Variants in ZFHX3 observed in about 807,000 individuals in gnomAD.
ZFHX3 encodes the protein zinc finger homeobox protein 3.
Under a neutral mutation model 279.1 loss-of-function variants are expected in ZFHX3, and 42 were observed. That is an observed-to-expected ratio of 0.15 (90% CI 0.12 to 0.19). The LOEUF (loss-of-function observed/expected upper bound fraction) is 0.19. ZFHX3 is among the 10% of genes least tolerant of loss of function. The pLI is 1.00. For synonymous variants in ZFHX3, 2,293 were observed against 1,957.8 expected (o/e 1.17, Z -4.52); for missense variants, 4,981 against 4,754.0 (o/e 1.05, Z -1.40).
At chr16:73,701,584 A>C (rs567958229) in intron 1 of ZFHX3, among the ~76,000 whole-genome samples, 5 of 152,310 alleles carry the variant, frequency 3.3e-5, no homozygotes, top group African/African-American at 1.2e-4. Flanking sequence ...TATCTCACTA[A>C]AGTTCCTCTT....
chr16:72,959,750 C>T lies in ZFHX3; in HGVS notation c.396G>A (p.Glu132=), dbSNP rs372291068. Residue 132 remains glutamate (E), a synonymous_variant, in exon 2 of 10, where the codon GAG becomes GAA. Transcript: ENST00000268489. ...EESDVENLAG[E]IVYQPDGSAY... ...CGGAGCCGTCCGGCTGGTAGACGAT[C>T]TCCCCGGCCAGGTTCTCCACGTCAC... 133 of 1,611,032 alleles carry T rather than the reference C, an allele frequency of 8.3e-5. No homozygotes were observed. Among genetic ancestry groups the T allele is most frequent in the Non-Finnish European group, 1.1e-4 (126 of 1,178,118 alleles).
At position 73,784,806 on chromosome 16, in the gene ZFHX3, T is replaced by TACACACAC. The variant is rs1567409723; in HGVS notation, c.-1607-104567_-1607-104566insGTGTGTGT. The stretch of plus-strand genomic sequence containing the variant: ...CAAAATAAAAAAAAAAATATATATA[T>TACACACAC]ATATATATATACACACACACACACA... On this transcript the variant is annotated intron_variant, in intron 1 of 17. Coordinates refer to the ZFHX3 transcript ENST00000641206. 1.1e-3 allele frequency among the ~76,000 whole-genome samples: 134 copies of TACACACAC among 121,764 alleles called. 1 individual carries two copies. Among genetic ancestry groups the TACACACAC allele is most frequent in the African/African-American group, 5.4e-3 (129 of 23,870 alleles). 79.9% of individuals were successfully genotyped at this position (121,764 alleles called of 152,430 possible). A position where few individuals can be genotyped will look rare whatever the true frequency, so the allele number is the denominator to read the frequency against.
intron 5 of ZFHX3, among the ~76,000 whole-genome samples, chr16:72,828,961 G>C (rs774559051): frequency 1.3e-5 from 2 of 151,542 alleles, no homozygotes; most frequent in African/African-American, 2.4e-5. Context: ...AAAGTGCTGG[G>C]ATTACAGGCG....
chr16:72,971,721 C>T (rs1202321272), intron 1 of ZFHX3, among the ~76,000 whole-genome samples: 1 of 151,916 alleles, frequency 6.6e-6, no homozygotes, highest in African/African-American at 2.4e-5. Flanking sequence ...TTTCCTGCAC[C>T]CTCATCAACA....
chr16:73,025,791 A>T (rs1964476276), intron 1 of ZFHX3, among the ~76,000 whole-genome samples: 1 of 152,214 alleles, frequency 6.6e-6, no homozygotes, highest in South Asian at 2.1e-4. Flanking sequence ...TGGGAAGGAA[A>T]GAAAAGTGAT....
chr16:72,870,491 C>T (rs990171084), intron 4 of ZFHX3, among the ~76,000 whole-genome samples: 21 of 152,088 alleles, frequency 1.4e-4, no homozygotes, highest in Admixed American at 6.6e-5. Context: ...AGACAGATCA[C>T]GGGGTCAGGA....
At chr16:73,067,823 G>C (rs1322098258) in intron 8 of ZFHX3, among the ~76,000 whole-genome samples, 1 of 152,160 alleles carries the variant, frequency 6.6e-6, no homozygotes, top group Non-Finnish European at 1.5e-5. Context: ...GGATTGTCAG[G>C]TGGAAAGCTT....
chr16:73,686,271 T>G (rs2053082849), intron 1 of ZFHX3, among the ~76,000 whole-genome samples: 2 of 152,098 alleles, frequency 1.3e-5, no homozygotes, highest in African/African-American at 4.8e-5. Flanking sequence ...ATTTTTTGTA[T>G]TTTTAGTAGA....
chr16:73,780,512 G>A (rs1200264193), intron 1 of ZFHX3, among the ~76,000 whole-genome samples: 2 of 151,388 alleles, frequency 1.3e-5, no homozygotes, highest in East Asian at 1.9e-4. Flanking sequence ...GCATGATCAC[G>A]GCTCACTGCA....
chr16:73,215,729 A>G (rs999991210), intron 5 of ZFHX3, among the ~76,000 whole-genome samples: 3 of 152,160 alleles, frequency 2.0e-5, no homozygotes. Context: ...TCCTCTGTGT[A>G]TAAGAATTAT....
At chr16:73,346,394 G>A (rs1382218461) in intron 3 of ZFHX3, among the ~76,000 whole-genome samples, 1 of 152,122 alleles carries the variant, frequency 6.6e-6, no homozygotes, top group Non-Finnish European at 1.5e-5. Context: ...TCCCCACTCA[G>A]CCCAGCCCTG....
intron 5 of ZFHX3, among the ~76,000 whole-genome samples, chr16:73,173,392 G>C (rs553121583): frequency 1.4e-5 from 1 of 70,536 alleles, no homozygotes; most frequent in African/African-American, 5.7e-5. Flanking sequence ...CGGCATATTT[G>C]TCCTCTCTTC....
intron 2 of ZFHX3, among the ~76,000 whole-genome samples, chr16:73,590,213 A>G (rs891765428): frequency 6.6e-6 from 1 of 152,130 alleles, no homozygotes; most frequent in Non-Finnish European, 1.5e-5. Context: ...TAAAGAAAAC[A>G]TTTTCCAACA....
chr16:73,609,262 A>G (rs1009968218), intron 2 of ZFHX3: 1 of 152,192 alleles, frequency 6.6e-6, no homozygotes, highest in Non-Finnish European at 1.5e-5. Flanking sequence ...GCATCGTACA[A>G]CCAATTTATT....
chr16:73,599,411 G>A (rs1000681505), intron 2 of ZFHX3, among the ~76,000 whole-genome samples: 7 of 152,212 alleles, frequency 4.6e-5, no homozygotes, highest in Non-Finnish European at 8.8e-5. Context: ...AAATGAAAAC[G>A]TGGAGCCCCT....
At chr16:73,713,648 T>G (rs2053386963) in intron 1 of ZFHX3, among the ~76,000 whole-genome samples, 1 of 151,378 alleles carries the variant, frequency 6.6e-6, no homozygotes, top group Non-Finnish European at 1.5e-5. Context: ...TTTTTTATAC[T>G]CTAGTAAATT....
intron 2 of ZFHX3, among the ~76,000 whole-genome samples, chr16:73,649,005 C>G (rs571301985): frequency 6.6e-6 from 1 of 152,110 alleles, no homozygotes; most frequent in Admixed American, 6.5e-5. Flanking sequence ...TTGGAGATTA[C>G]GGTTATCATT....
intron 5 of ZFHX3, among the ~76,000 whole-genome samples, chr16:73,164,117 G>C (rs1401395346): frequency 6.6e-6 from 1 of 152,166 alleles, no homozygotes; most frequent in African/African-American, 2.4e-5. Flanking sequence ...TTGTGACTAT[G>C]TGCAGCAGAT....
intron 3 of ZFHX3, among the ~76,000 whole-genome samples, chr16:72,950,133 A>C (rs1960910718): frequency 6.6e-6 from 1 of 151,902 alleles, no homozygotes; most frequent in South Asian, 2.1e-4. Context: ...GAAAGCCTAA[A>C]GGAGAGAGGG....
Sources: gnomAD v4.1 joint callset for allele counts (sites outside exome capture counted in the v4.1 genomes callset) on GRCh38, gnomAD v4.1.1 for gene constraint, MANE v1.5 for transcripts, NCBI Gene and HGNC (gene_info 2026-07-23, HGNC 2026-07-21) for gene names.